HIPK2: variants seen among roughly 807,000 people sequenced by gnomAD.
The protein encoded by HIPK2 is homeodomain-interacting protein kinase 2.
A neutral mutation model predicts 113.7 loss-of-function variants in HIPK2; 27 were observed. That is an observed-to-expected ratio of 0.24 (90% CI 0.17 to 0.33). HIPK2 has a LOEUF of 0.33. HIPK2 is among the 10% of genes least tolerant of loss of function. The pLI, the probability that HIPK2 is intolerant of heterozygous loss-of-function variation, is 1.00. For missense variants in HIPK2, 1,257 were observed against 1,588.0 expected (o/e 0.79, Z 3.54); for synonymous variants, 631 against 642.2 (o/e 0.98, Z 0.26).
intron 12 of HIPK2, among the ~76,000 whole-genome samples, chr7:139,595,953 G>A (rs1188120533): frequency 6.6e-6 from 1 of 152,198 alleles, no homozygotes; most frequent in African/African-American, 2.4e-5. Flanking sequence ...CCAGTGCAAA[G>A]GAGCCAGCAG....
At chr7:139,702,537 G>A (rs1373564825) in intron 2 of HIPK2, among the ~76,000 whole-genome samples, 1 of 152,200 alleles carries the variant, frequency 6.6e-6, no homozygotes, top group Non-Finnish European at 1.5e-5. Context: ...TGGGGGCTGG[G>A]GGGAGACCTT....
chr7:139,581,703 G>A (rs903730602), intron 13 of HIPK2, among the ~76,000 whole-genome samples: 1 of 152,204 alleles, frequency 6.6e-6, no homozygotes. Flanking sequence ...AGCTGAGGAA[G>A]GCTGCTTTCC....
At chr7:139,673,384 A>G (rs1802374675) in intron 2 of HIPK2, among the ~76,000 whole-genome samples, 1 of 152,180 alleles carries the variant, frequency 6.6e-6, no homozygotes, top group African/African-American at 2.4e-5. Flanking sequence ...CTCTTACAGG[A>G]GACCAGCCTG....
chr7:139,696,114 T>C (rs967887953), intron 2 of HIPK2, among the ~76,000 whole-genome samples: 9 of 152,158 alleles, frequency 5.9e-5, no homozygotes, highest in African/African-American at 1.9e-4. Context: ...CAGAAAGCCA[T>C]TGATAACGTG....
At chr7:139,707,402 C>G (rs1427747415) in intron 2 of HIPK2, among the ~76,000 whole-genome samples, 1 of 152,250 alleles carries the variant, frequency 6.6e-6, no homozygotes, top group South Asian at 2.1e-4. Flanking sequence ...GATTGGTGAG[C>G]GAGAGAAGGG....
At chr7:139,730,013 G>C (rs996258711) in intron 1 of HIPK2, among the ~76,000 whole-genome samples, 1 of 152,212 alleles carries the variant, frequency 6.6e-6, no homozygotes, top group Non-Finnish European at 1.5e-5. Context: ...ATACTGAGGA[G>C]GCCAGGTGTG....
chr7:139,635,242 C>T (rs1800768084), intron 2 of HIPK2, among the ~76,000 whole-genome samples: 2 of 152,202 alleles, frequency 1.3e-5, no homozygotes. Flanking sequence ...GTTTGGAAGT[C>T]TGACGCTCCA....
intron 1 of HIPK2, among the ~76,000 whole-genome samples, chr7:139,751,009 C>T (rs1484394087): frequency 6.6e-6 from 1 of 152,036 alleles, no homozygotes; most frequent in Admixed American, 6.6e-5. Context: ...CTTTGAACTT[C>T]TATATTTATT....
chr7:139,614,336 C>G lies in HIPK2; in HGVS notation c.1940G>C (p.Arg647Pro), dbSNP rs755587785. ...LQTGTAQICA[R>P]PDPFQQALIV... is the part of the protein sequence containing the mutation. ...GAGAGCTTGCTGGAACGGGTCAGGC[C>G]GGGCACAAATCTGGGCTGTTCCTGT... Residue 647 changes from arginine (R) to proline (P), a missense_variant, in exon 8 of 15, where the codon CGG becomes CCG. Around this residue, in one of 5 missense-constraint regions of HIPK2, gnomAD observed 862 missense variants for 1,004.3 expected, o/e 0.86. Transcript: ENST00000406875. The G allele has an allele frequency of 6.4e-6, 10 of 1,571,810 alleles. No individual in the cohort carries two copies. The highest frequency in any genetic ancestry group is 8.7e-6 in the Non-Finnish European group (10 of 1,152,950).
chr7:139,752,787 C>A (rs1020043466), intron 1 of HIPK2, among the ~76,000 whole-genome samples: 3 of 151,664 alleles, frequency 2.0e-5, no homozygotes, highest in Admixed American at 1.3e-4. Flanking sequence ...GAACCGGCCA[C>A]ACAGCCCTGC....
At chr7:139,591,223 T>C (rs915839435) in intron 12 of HIPK2, among the ~76,000 whole-genome samples, 3 of 152,232 alleles carry the variant, frequency 2.0e-5, no homozygotes, top group Non-Finnish European at 2.9e-5. Context: ...AATACACATA[T>C]ATCACCCTTA....
At chr7:139,754,277 A>G (rs1259759169) in intron 1 of HIPK2, among the ~76,000 whole-genome samples, 4 of 152,244 alleles carry the variant, frequency 2.6e-5, no homozygotes, top group Non-Finnish European at 5.9e-5. Flanking sequence ...AGGAGCACAA[A>G]TGGTAGGCGC....
chr7:139,579,656 C>G lies in HIPK2; in HGVS notation c.2965+4161G>C, dbSNP rs142054994. The stretch of plus-strand genomic sequence containing the variant: ...AGAAGGTCAAAGGAAAACCGGAAAC[C>G]TGGGGACAGAAGTTTCTGGTGCTCA... On this transcript the variant is annotated intron_variant, in intron 13 of 14. Coordinates refer to ENST00000406875, the MANE Select transcript of HIPK2 (RefSeq NM_022740.5). Among the ~76,000 whole-genome samples, 577 of 149,902 alleles carry G rather than the reference C, an allele frequency of 3.8e-3. 3 individuals are homozygous for G. Among genetic ancestry groups the G allele is most frequent in the African/African-American group, 0.014 (544 of 39,302 alleles).
rs111961550 is a variant in HIPK2, at chr7:139,621,267, T to G, written c.1620-704A>C. On this transcript the variant is annotated intron_variant, in intron 6 of 14. Transcript: ENST00000406875. ...CCTACTTCACGAGTAAGGCTGAAGC[T>G]TAGGGAGGTAGGGAGTTTGCCAAGG... Among the ~76,000 whole-genome samples the G allele has an allele frequency of 3.1e-3, 478 of 152,282 alleles. 1 individual carries two copies. Among genetic ancestry groups the G allele is most frequent in the African/African-American group, 0.01 (435 of 41,562 alleles).
chr7:139,618,632 G>A (rs1350922709), intron 7 of HIPK2, among the ~76,000 whole-genome samples: 2 of 152,202 alleles, frequency 1.3e-5, no homozygotes, highest in Non-Finnish European at 2.9e-5. Context: ...TATGCTGGCT[G>A]TCATATCACC....
At chr7:139,619,099 G>A (rs1800152246) in intron 7 of HIPK2, among the ~76,000 whole-genome samples, 3 of 152,146 alleles carry the variant, frequency 2.0e-5, no homozygotes, top group Non-Finnish European at 4.4e-5. Flanking sequence ...CTAGAATTTG[G>A]GCAAAGGGAG....
At chr7:139,667,741 T>C (rs984096666) in intron 2 of HIPK2, among the ~76,000 whole-genome samples, 1 of 152,242 alleles carries the variant, frequency 6.6e-6, no homozygotes, top group Non-Finnish European at 1.5e-5. Context: ...TAATTTCCTT[T>C]ATACATTAGA....
At chr7:139,695,540 C>T (rs952236836) in intron 2 of HIPK2, among the ~76,000 whole-genome samples, 2 of 152,140 alleles carry the variant, frequency 1.3e-5, no homozygotes, top group South Asian at 2.1e-4. Flanking sequence ...AGCTTGAGGA[C>T]ATTAAAAAGT....
At chr7:139,756,588 C>T (rs1204930228) in intron 1 of HIPK2, among the ~76,000 whole-genome samples, 1 of 152,158 alleles carries the variant, frequency 6.6e-6, no homozygotes, top group Admixed American at 6.5e-5. Context: ...CCATGCCTGG[C>T]TAATTTTTGT....
Sources: allele counts gnomAD v4.1 joint callset (sites outside exome capture counted in the v4.1 genomes callset), GRCh38; gene constraint gnomAD v4.1.1; regional missense constraint gnomAD v4.1.1; transcripts MANE v1.5; gene names NCBI Gene and HGNC (gene_info 2026-07-23, HGNC 2026-07-21).